Variants in ESR1 observed in about 807,000 individuals in gnomAD.
The protein encoded by ESR1 is estrogen receptor.
ESR1 carries 12 observed loss-of-function variants against 52.7 expected under a neutral mutation model. The ratio of observed to expected loss-of-function variants is 0.23; its 90% CI spans 0.15 to 0.37. ESR1 has a LOEUF of 0.37. ESR1 is among the 10% of genes least tolerant of loss of function. The pLI is 1.00. For synonymous variants in ESR1, 305 were observed against 316.8 expected, an observed-to-expected ratio of 0.96 and a Z score of 0.39; for missense variants, 584 against 779.7, an observed-to-expected ratio of 0.75 and a Z score of 2.99.
upstream of ESR1, among the ~76,000 whole-genome samples, chr6:151,686,667 G>A (rs1011017609): frequency 3.3e-5 from 5 of 151,396 alleles, no homozygotes; most frequent in Middle Eastern, 3.4e-3. Flanking sequence ...CAGCCTGGGT[G>A]ACAGAGCAAG....
At chr6:152,110,831 T>C (rs1248541706) in intron 6 of ESR1, among the ~76,000 whole-genome samples, 1 of 152,008 alleles carries the variant, frequency 6.6e-6, no homozygotes, top group Non-Finnish European at 1.5e-5. Context: ...CATACTCAAA[T>C]CCTGGAGAAA....
intron 1 of ESR1, among the ~76,000 whole-genome samples, chr6:151,839,358 A>T (rs982346017): frequency 6.6e-6 from 1 of 152,160 alleles, no homozygotes. Flanking sequence ...GTTGGAGAGG[A>T]TATAGAGCAA....
chr6:151,709,517 T>G (rs1277533977), intron 2 of ESR1, among the ~76,000 whole-genome samples: 1 of 152,126 alleles, frequency 6.6e-6, no homozygotes, highest in Non-Finnish European at 1.5e-5. Flanking sequence ...GACTGCTGAG[T>G]CATTCGGTAA....
chr6:151,669,189 ATGGGAATCCAGGG>A (rs1777956515), intron 1 of ESR1, among the ~76,000 whole-genome samples: 20 of 87,084 alleles, frequency 2.3e-4, no homozygotes, highest in South Asian at 4.7e-4. Context: ...AGAGAGAGAG[ATGGGAATCCAGGG>A]GAGAACAGAA....
chr6:151,710,549 G>T (rs1407084199), intron 2 of ESR1, among the ~76,000 whole-genome samples: 1 of 151,908 alleles, frequency 6.6e-6, no homozygotes, highest in African/African-American at 2.4e-5. Flanking sequence ...TAAAGAAAAG[G>T]TCAATAAAAT....
At chr6:151,790,796 T>A (rs1423276826) in intron 2 of ESR1, among the ~76,000 whole-genome samples, 1 of 152,152 alleles carries the variant, frequency 6.6e-6, no homozygotes, top group Non-Finnish European at 1.5e-5. Context: ...AAGACTAAAA[T>A]AATGAGGCCA....
chr6:152,089,979 T>C (rs1195821964), intron 6 of ESR1, among the ~76,000 whole-genome samples: 1 of 152,212 alleles, frequency 6.6e-6, no homozygotes, highest in African/African-American at 2.4e-5. Context: ...TTGCACATTG[T>C]AGGACATCCA....
intron 2 of ESR1, among the ~76,000 whole-genome samples, chr6:151,849,914 C>T (rs375396933): frequency 5.5e-5 from 8 of 145,918 alleles, no homozygotes; most frequent in African/African-American, 1.8e-4. Context: ...CTCTAGGGTC[C>T]TGTCTTCAAT....
intron 4 of ESR1, among the ~76,000 whole-genome samples, chr6:151,957,695 G>A (rs1427567933): frequency 6.6e-6 from 1 of 152,090 alleles, no homozygotes; most frequent in Non-Finnish European, 1.5e-5. Context: ...AATGAATTAG[G>A]TACAAGAATA....
intron 4 of ESR1, among the ~76,000 whole-genome samples, chr6:151,956,467 G>C (rs1267132814): frequency 6.6e-6 from 1 of 152,202 alleles, no homozygotes; most frequent in African/African-American, 2.4e-5. Context: ...ATCTGTTGCA[G>C]ATAGTAGCTA....
chr6:151,846,791 A>T (rs1234969244), intron 2 of ESR1, among the ~76,000 whole-genome samples: 1 of 152,214 alleles, frequency 6.6e-6, no homozygotes, highest in African/African-American at 2.4e-5. Flanking sequence ...TGGATATTTT[A>T]TGAGTTTATT....
intron 2 of ESR1, among the ~76,000 whole-genome samples, chr6:151,737,064 T>C (rs542688147): frequency 6.6e-6 from 1 of 152,340 alleles, no homozygotes; most frequent in East Asian, 1.9e-4. Context: ...GCTAATTGTT[T>C]TCACACGTAC....
chr6:152,027,899 T>G (rs1024207278), intron 5 of ESR1, among the ~76,000 whole-genome samples: 1 of 152,100 alleles, frequency 6.6e-6, no homozygotes, highest in African/African-American at 2.4e-5. Context: ...ATCCCAGCAC[T>G]TTGGGAGGCC....
chr6:151,775,323 A>G (rs1238429483), intron 2 of ESR1, among the ~76,000 whole-genome samples: 1 of 152,218 alleles, frequency 6.6e-6, no homozygotes, highest in Non-Finnish European at 1.5e-5. Flanking sequence ...CTAATCTGAA[A>G]ATCCAAAATC....
At chr6:152,092,808 C>T (rs188262753) in intron 6 of ESR1, among the ~76,000 whole-genome samples, 86 of 152,288 alleles carry the variant, frequency 5.6e-4, no homozygotes, top group African/African-American at 1.9e-3. Flanking sequence ...TCTTACTTCA[C>T]GGTCACTCAT....
intron 6 of ESR1, among the ~76,000 whole-genome samples, chr6:152,123,024 AAAATGTAGAT>A (rs2051925832): frequency 6.6e-6 from 1 of 152,268 alleles, no homozygotes; most frequent in African/African-American, 2.4e-5. Flanking sequence ...CAGAATAATT[AAAATGTAGAT>A]ATTTGATGCA....
intron 1 of ESR1, among the ~76,000 whole-genome samples, chr6:151,683,295 G>C (rs1778526939): frequency 6.6e-6 from 1 of 152,128 alleles, no homozygotes; most frequent in Admixed American, 6.5e-5. Context: ...CTTGGGGACT[G>C]AGGCTGCTCA....
chr6:152,001,788 C>G (rs1207216076), intron 4 of ESR1, among the ~76,000 whole-genome samples: 1 of 151,896 alleles, frequency 6.6e-6, no homozygotes, highest in Non-Finnish European at 1.5e-5. Flanking sequence ...GTTGGTTGCT[C>G]TCTCTCTTTG....
chr6:151,989,544 TGTA>T (rs1052216357), intron 4 of ESR1, among the ~76,000 whole-genome samples: 8 of 152,080 alleles, frequency 5.3e-5, no homozygotes, highest in Non-Finnish European at 1.2e-4. Context: ...TGAAAGGAAA[TGTA>T]GTAATAAACA....
Sources: gnomAD v4.1 joint callset for allele counts (sites outside exome capture counted in the v4.1 genomes callset) on GRCh38, gnomAD v4.1.1 for gene constraint, MANE v1.5 for transcripts, NCBI Gene and HGNC (gene_info 2026-07-23, HGNC 2026-07-21) for gene names.